GRID2: variants seen among roughly 807,000 people sequenced by gnomAD.
The protein encoded by GRID2 is glutamate receptor ionotropic, delta-2.
Under a neutral mutation model 114.8 loss-of-function variants are expected in GRID2, and 33 were observed. The observed-to-expected ratio is 0.29, with a 90% CI of 0.22 to 0.38. The LOEUF is 0.38. Among genes scored for constraint, GRID2 ranks in the 10% least tolerant of loss-of-function variants. The pLI, the probability that GRID2 is intolerant of heterozygous loss-of-function variation, is 1.00. For missense variants in GRID2, 1,184 were observed against 1,257.7 expected (o/e 0.94, Z 0.89); for synonymous variants, 505 against 449.9 (o/e 1.12, Z -1.55).
chr4:92,571,091 T>A (rs1169534314), intron 1 of GRID2, among the ~76,000 whole-genome samples: 1 of 151,988 alleles, frequency 6.6e-6, no homozygotes, highest in African/African-American at 2.4e-5. Flanking sequence ...GTATAGCATA[T>A]ATGGCTGTTA....
chr4:92,981,043 A>G (rs1754178274), intron 2 of GRID2, among the ~76,000 whole-genome samples: 1 of 152,078 alleles, frequency 6.6e-6, no homozygotes, highest in Non-Finnish European at 1.5e-5. Flanking sequence ...CTGAAATAAA[A>G]AATATAATTC....
At chr4:92,440,915 C>T (rs906729485) in intron 1 of GRID2, among the ~76,000 whole-genome samples, 10 of 151,828 alleles carry the variant, frequency 6.6e-5, no homozygotes, top group African/African-American at 1.7e-4. Context: ...CTGAAGGAGC[C>T]GGGAAGCAGA....
intron 2 of GRID2, among the ~76,000 whole-genome samples, chr4:92,908,241 A>G (rs1325275138): frequency 6.6e-6 from 1 of 152,172 alleles, no homozygotes; most frequent in East Asian, 1.9e-4. Flanking sequence ...GTTTCCTTTT[A>G]CATGTAAAAT....
chr4:92,345,839 G>A (rs1271189763), intron 1 of GRID2, among the ~76,000 whole-genome samples: 1 of 152,090 alleles, frequency 6.6e-6, no homozygotes, highest in Non-Finnish European at 1.5e-5. Context: ...AGTAAGCATC[G>A]TTAGCCTTCT....
intron 1 of GRID2, among the ~76,000 whole-genome samples, chr4:92,361,347 A>G (rs932645287): frequency 6.6e-6 from 1 of 152,056 alleles, no homozygotes; most frequent in East Asian, 1.9e-4. Context: ...AAATAACTCT[A>G]CGTGAAGACA....
intron 2 of GRID2, among the ~76,000 whole-genome samples, chr4:92,677,959 G>A (rs1297175864): frequency 6.6e-6 from 1 of 151,934 alleles, no homozygotes. Flanking sequence ...ATGAAATCCA[G>A]TCATTCCTTA....
chr4:93,392,427 A>C (rs946464502), intron 8 of GRID2, among the ~76,000 whole-genome samples: 1 of 152,170 alleles, frequency 6.6e-6, no homozygotes, highest in African/African-American at 2.4e-5. Context: ...CTTGCTATGC[A>C]ATAAGAAACA....
intron 2 of GRID2, among the ~76,000 whole-genome samples, chr4:92,649,372 T>C (rs1366692828): frequency 6.7e-6 from 1 of 150,364 alleles, no homozygotes. Context: ...AACCATGAGC[T>C]CTGATGCCTA....
At chr4:92,490,714 A>C (rs1308080017) in intron 1 of GRID2, among the ~76,000 whole-genome samples, 1 of 152,174 alleles carries the variant, frequency 6.6e-6, no homozygotes, top group East Asian at 1.9e-4. Context: ...CCATCTCAGC[A>C]TGAGCTTTAT....
intron 2 of GRID2, among the ~76,000 whole-genome samples, chr4:92,911,331 A>G (rs965412828): frequency 2.6e-5 from 4 of 152,028 alleles, no homozygotes; most frequent in African/African-American, 9.7e-5. Context: ...AAAGTGTTCT[A>G]CTTACCTTTT....
intron 1 of GRID2, among the ~76,000 whole-genome samples, chr4:92,429,714 C>T (rs1732345332): frequency 6.6e-6 from 1 of 152,094 alleles, no homozygotes; most frequent in Admixed American, 6.5e-5. Flanking sequence ...ATTTAGTCCC[C>T]AGCAGAAGTG....
chr4:92,642,388 C>T (rs1354008538), intron 2 of GRID2, among the ~76,000 whole-genome samples: 8 of 151,610 alleles, frequency 5.3e-5, no homozygotes, highest in African/African-American at 1.2e-4. Flanking sequence ...TTCTCTAATT[C>T]GTGATGATAA....
At chr4:93,228,420 A>T (rs1745747038) in intron 7 of GRID2, among the ~76,000 whole-genome samples, 1 of 152,160 alleles carries the variant, frequency 6.6e-6, no homozygotes, top group Non-Finnish European at 1.5e-5. Flanking sequence ...TTTATCTCTT[A>T]AAGTTTCTAC....
intron 2 of GRID2, among the ~76,000 whole-genome samples, chr4:92,906,282 C>A (rs1468230373): frequency 7.4e-6 from 1 of 134,466 alleles, no homozygotes; most frequent in Non-Finnish European, 1.7e-5. Context: ...GACAATATTG[C>A]CAATTAACAC....
intron 2 of GRID2, among the ~76,000 whole-genome samples, chr4:92,667,173 A>C (rs76383825): frequency 2.0e-5 from 3 of 151,668 alleles, no homozygotes; most frequent in Non-Finnish European, 4.4e-5. Flanking sequence ...CCTTTATAGC[A>C]TTCTAAATAA....
At chr4:93,262,554 A>G (rs1750364902) in intron 8 of GRID2, among the ~76,000 whole-genome samples, 1 of 151,980 alleles carries the variant, frequency 6.6e-6, no homozygotes, top group Admixed American at 6.6e-5. Flanking sequence ...TTTTAAATCA[A>G]TTGCTTCTTT....
chr4:92,634,757 T>C (rs946692859), intron 2 of GRID2, among the ~76,000 whole-genome samples: 2 of 150,888 alleles, frequency 1.3e-5, no homozygotes, highest in African/African-American at 4.9e-5. Flanking sequence ...CTTTTTTTTT[T>C]TTTTTCAGAC....
At chr4:92,767,615 G>A (rs1229068551) in intron 2 of GRID2, among the ~76,000 whole-genome samples, 1 of 152,098 alleles carries the variant, frequency 6.6e-6, no homozygotes, top group Admixed American at 6.5e-5. Flanking sequence ...GCTGGGCATG[G>A]TGGTGGGTAT....
chr4:93,650,623 G>A (rs1266997986), intron 14 of GRID2, among the ~76,000 whole-genome samples: 4 of 152,116 alleles, frequency 2.6e-5, no homozygotes, highest in Non-Finnish European at 5.9e-5. Flanking sequence ...GTGAAACATA[G>A]GAGTTTCTAA....
Sources: gnomAD v4.1 joint callset for allele counts (sites outside exome capture counted in the v4.1 genomes callset) on GRCh38, gnomAD v4.1.1 for gene constraint, MANE v1.5 for transcripts, NCBI Gene and HGNC (gene_info 2026-07-23, HGNC 2026-07-21) for gene names.